Variants in GAB1 observed in about 807,000 individuals in gnomAD.
GAB1 encodes GRB2-associated-binding protein 1.
GAB1 carries 19 observed loss-of-function variants against 66.5 expected under a neutral mutation model. The observed-to-expected ratio is 0.29, with a 90% CI of 0.20 to 0.42. The LOEUF is 0.42. Among genes scored for constraint, GAB1 ranks in the 10% least tolerant of loss-of-function variants. The pLI, the probability that GAB1 is intolerant of heterozygous loss-of-function variation, is 1.00. For synonymous variants in GAB1, 294 were observed against 301.4 expected, an observed-to-expected ratio of 0.98 and a Z score of 0.25; for missense variants, 732 against 858.5, an observed-to-expected ratio of 0.85 and a Z score of 1.84.
intron 1 of GAB1, among the ~76,000 whole-genome samples, chr4:143,402,516 G>C (rs771209346): frequency 1.3e-5 from 2 of 152,190 alleles, no homozygotes; most frequent in Admixed American, 1.3e-4. Flanking sequence ...ATGGGGAAGA[G>C]ATCACTGGAT....
In GAB1 at chr4:143,415,679, G is replaced by A; in HGVS notation, c.275G>A (p.Arg92Gln). Reference sequence around the variant, plus strand: ...ATTTTTGATATCAACACTATTGACCGGATTTTCTACTTGGTAGCAGACAGC... The same window carrying A: ...ATTTTTGATATCAACACTATTGACCAGATTTTCTACTTGGTAGCAGACAGC... ...SYIFDINTID[R>Q]IFYLVADSEE... The change falls in exon 2 of 10, where the codon CGG becomes CAG. Residue 92 changes from arginine (R) to glutamine (Q), a missense_variant. Around this residue, in one of 4 missense-constraint regions of GAB1, gnomAD observed 66 missense variants for 130.3 expected, o/e 0.51. Coordinates refer to ENST00000262994, the MANE Select transcript of GAB1 (RefSeq NM_002039.4). 1.9e-6 allele frequency: 3 copies of A among 1,613,884 alleles called. No homozygotes were observed. The highest frequency in any genetic ancestry group is 2.5e-6 in the Non-Finnish European group (3 of 1,179,794).
intron 1 of GAB1, among the ~76,000 whole-genome samples, chr4:143,377,346 G>T (rs1432536878): frequency 6.6e-6 from 1 of 152,030 alleles, no homozygotes; most frequent in African/African-American, 2.4e-5. Context: ...GGCTTTTGTT[G>T]GGGGGAGGGT....
chr4:143,422,277 A>G (rs921597702), intron 2 of GAB1, among the ~76,000 whole-genome samples: 2 of 152,158 alleles, frequency 1.3e-5, no homozygotes, highest in African/African-American at 4.8e-5. Context: ...AAGCAGAGTA[A>G]CCCTGACCTG....
chr4:143,367,719 G>GTTTTT (rs71588248), intron 1 of GAB1, among the ~76,000 whole-genome samples: 38 of 94,648 alleles, frequency 4.0e-4, no homozygotes, highest in South Asian at 8.8e-4. Context: ...TCAGATGAGG[G>GTTTTT]TTTTTTTTTT....
At chr4:143,413,307 C>T (rs150498112) in intron 1 of GAB1, among the ~76,000 whole-genome samples, 126 of 152,182 alleles carry the variant, frequency 8.3e-4, no homozygotes, top group African/African-American at 2.9e-3. Flanking sequence ...ATTTATTTTG[C>T]AGTAAGTAGA....
At chr4:143,368,912 G>A (rs570891007) in intron 1 of GAB1, among the ~76,000 whole-genome samples, 1 of 152,028 alleles carries the variant, frequency 6.6e-6, no homozygotes, top group East Asian at 1.9e-4. Flanking sequence ...AGCCTCCCGA[G>A]TAGCTGAGAT....
chr4:143,359,073 T>A (rs1488038164), intron 1 of GAB1, among the ~76,000 whole-genome samples: 2 of 152,178 alleles, frequency 1.3e-5, no homozygotes, highest in East Asian at 1.9e-4. Context: ...CAGAGCTAAG[T>A]AAATGTGTGA....
At chr4:143,405,468 G>A (rs1245139050) in intron 1 of GAB1, among the ~76,000 whole-genome samples, 1 of 152,098 alleles carries the variant, frequency 6.6e-6, no homozygotes, top group Non-Finnish European at 1.5e-5. Flanking sequence ...GTTTATGGCT[G>A]AATTCTTACA....
rs934549804 is a variant in GAB1 at position 143,393,130 on chromosome 4, C to T, written c.73-22347C>T. On this transcript the variant is annotated intron_variant, in intron 1 of 9. Transcript: ENST00000262994. The stretch of plus-strand genomic sequence containing the variant: ...CTAGATGAAAAATACTAGACTGGCT[C>T]ATATGAAATGATAAAATTGTAGACC... Among the ~76,000 whole-genome samples the T allele has an allele frequency of 6.0e-5, 9 of 150,464 alleles. No individual in the cohort carries two copies. In the South Asian group the frequency reaches 1.9e-3, roughly 31 times the overall value.
At chr4:143,447,117 T>C (rs1734599381) in intron 6 of GAB1, among the ~76,000 whole-genome samples, 1 of 151,966 alleles carries the variant, frequency 6.6e-6, no homozygotes, top group Admixed American at 6.6e-5. Context: ...ATATGCGGCG[T>C]TATTTCTGAG....
chr4:143,354,996 ATC>A (rs1729386268), intron 1 of GAB1, among the ~76,000 whole-genome samples: 1 of 152,216 alleles, frequency 6.6e-6, no homozygotes, highest in Admixed American at 6.5e-5. Flanking sequence ...CATTGAAAAC[ATC>A]TGTTTGTTTT....
intron 1 of GAB1, among the ~76,000 whole-genome samples, chr4:143,411,022 G>C (rs1360608688): frequency 6.6e-6 from 1 of 152,170 alleles, no homozygotes; most frequent in East Asian, 1.9e-4. Context: ...CTAAATCTAG[G>C]GGGTAGATTT....
intron 8 of GAB1, 47 bp from the exon 9 acceptor site, chr4:143,466,056 T>C: frequency 6.2e-7 from 1 of 1,606,728 alleles, no homozygotes; most frequent in Non-Finnish European, 8.5e-7. Flanking sequence ...ACGAGTGGTA[T>C]GTCTGGTGAA....
At chr4:143,414,388 AT>A (rs1440503231) in intron 1 of GAB1, among the ~76,000 whole-genome samples, 1 of 152,128 alleles carries the variant, frequency 6.6e-6, no homozygotes, top group African/African-American at 2.4e-5. Flanking sequence ...TAGTAAAATA[AT>A]TTTTTAGGCT....
intron 2 of GAB1, among the ~76,000 whole-genome samples, chr4:143,429,114 T>C (rs1447566562): frequency 6.6e-6 from 1 of 152,210 alleles, no homozygotes; most frequent in Non-Finnish European, 1.5e-5. Context: ...TTTATTTATT[T>C]ATTTTTGAGA....
At chr4:143,410,643 T>C (rs1341279910) in intron 1 of GAB1, among the ~76,000 whole-genome samples, 1 of 152,252 alleles carries the variant, frequency 6.6e-6, no homozygotes, top group Non-Finnish European at 1.5e-5. Context: ...TTTAAAATGA[T>C]GTTTAAAAAC....
intron 2 of GAB1, chr4:143,426,088 T>C (rs1733340124): frequency 1.9e-6 from 1 of 522,152 alleles, no homozygotes; most frequent in Non-Finnish European, 3.4e-6. Context: ...ACATGGAGTA[T>C]AGTAAAGATA....
chr4:143,425,765 T>A, intron 2 of GAB1: 1 of 765,992 alleles, frequency 1.3e-6, no homozygotes, highest in Non-Finnish European at 2.4e-6. Flanking sequence ...TCACTGCTAC[T>A]CAGCCTGAGG....
intron 1 of GAB1, among the ~76,000 whole-genome samples, chr4:143,363,796 T>G (rs1729759704): frequency 6.6e-6 from 1 of 152,156 alleles, no homozygotes; most frequent in Non-Finnish European, 1.5e-5. Flanking sequence ...GCTCTGGTGG[T>G]CCTTGGGGCC....
Sources: allele counts gnomAD v4.1 joint callset (sites outside exome capture counted in the v4.1 genomes callset), GRCh38; gene constraint gnomAD v4.1.1; regional missense constraint gnomAD v4.1.1; transcripts MANE v1.5; gene names NCBI Gene and HGNC (gene_info 2026-07-23, HGNC 2026-07-21).